FCHSD2: variants seen among roughly 807,000 people sequenced by gnomAD.
FCHSD2 encodes F-BAR and double SH3 domains protein 2.
FCHSD2 carries 38 observed loss-of-function variants against 108.1 expected under a neutral mutation model. The observed-to-expected ratio is 0.35, with a 90% CI of 0.27 to 0.46. FCHSD2 has a LOEUF of 0.46. Ranked by LOEUF, FCHSD2 falls within the 20% of genes least tolerant of loss-of-function variation. The probability of loss-of-function intolerance (pLI) is 1.00; values close to 1 mark genes in which losing one functional copy is unlikely to be tolerated. For missense variants in FCHSD2, 751 were observed against 897.8 expected, an observed-to-expected ratio of 0.84 and a Z score of 2.09; for synonymous variants, 279 against 314.7, an observed-to-expected ratio of 0.89 and a Z score of 1.20.
chr11:72,908,344 AG>A (rs1278708436), intron 9 of FCHSD2, among the ~76,000 whole-genome samples: 8 of 54 alleles, frequency 0.15, no homozygotes, highest in East Asian at 0.5. Flanking sequence ...AATCAACATG[AG>A]AGTGCAGATA....
At chr11:73,019,796 T>C (rs1317089596) in intron 3 of FCHSD2, among the ~76,000 whole-genome samples, 2 of 152,214 alleles carry the variant, frequency 1.3e-5, no homozygotes, top group Non-Finnish European at 2.9e-5. Context: ...ACTGGTTTCC[T>C]CTATACTTTA....
chr11:73,021,083 G>T (rs1007620639), intron 3 of FCHSD2, among the ~76,000 whole-genome samples: 1 of 151,942 alleles, frequency 6.6e-6, no homozygotes, highest in Non-Finnish European at 1.5e-5. Context: ...TCGCTATGTT[G>T]CCCAGGTTGA....
intron 8 of FCHSD2, among the ~76,000 whole-genome samples, chr11:72,955,973 C>T (rs1200530786): frequency 6.6e-6 from 1 of 152,166 alleles, no homozygotes; most frequent in Non-Finnish European, 1.5e-5. Context: ...TTTTAAATAT[C>T]ATCCTCCACT....
chr11:72,929,479 T>C (rs1458878558), intron 8 of FCHSD2, among the ~76,000 whole-genome samples: 2 of 152,298 alleles, frequency 1.3e-5, no homozygotes, highest in South Asian at 2.1e-4. Context: ...CTAGTGTGCA[T>C]AGAGTTAATG....
Position 73,049,276 on chromosome 11 carries a change from G to A in FCHSD2, c.166-33391C>T, listed in dbSNP as rs576623240. Reference sequence around the variant, plus strand: ...ATGAAGTACATAGTAAAACTTTAAGGAAAAAATTAAAACATGACAGAAACT... The same window carrying A: ...ATGAAGTACATAGTAAAACTTTAAGAAAAAAATTAAAACATGACAGAAACT... On this transcript the variant is annotated intron_variant, in intron 3 of 19. Transcript: ENST00000409418. Among the ~76,000 whole-genome samples the A allele has an allele frequency of 1.1e-4, 17 of 152,098 alleles. No individual in the cohort carries two copies. In the East Asian group the frequency reaches 3.1e-3, roughly 28 times the overall value.
intron 13 of FCHSD2, among the ~76,000 whole-genome samples, chr11:72,859,854 T>C (rs1484305765): frequency 6.6e-6 from 1 of 151,894 alleles, no homozygotes; most frequent in African/African-American, 2.4e-5. Flanking sequence ...CCTAAAAGAG[T>C]AAAAACTTCA....
chr11:73,013,744 T>C (rs1444033698), intron 4 of FCHSD2, among the ~76,000 whole-genome samples: 1 of 152,222 alleles, frequency 6.6e-6, no homozygotes, highest in Non-Finnish European at 1.5e-5. Flanking sequence ...TTTTTTAAAT[T>C]AGGGTTTATA....
At chr11:72,994,639 G>A (rs918142078) in intron 5 of FCHSD2, among the ~76,000 whole-genome samples, 3 of 151,892 alleles carry the variant, frequency 2.0e-5, no homozygotes, top group Admixed American at 6.6e-5. Context: ...GGTGGTGGGC[G>A]CCTGTAGTCC....
At chr11:73,091,108 T>C (rs1344995933) in intron 2 of FCHSD2, among the ~76,000 whole-genome samples, 2 of 152,246 alleles carry the variant, frequency 1.3e-5, no homozygotes, top group African/African-American at 2.4e-5. Flanking sequence ...TTTGTTTTTA[T>C]GGCTGAATAA....
chr11:72,972,291 T>C (rs1857021720), intron 8 of FCHSD2, among the ~76,000 whole-genome samples: 1 of 152,102 alleles, frequency 6.6e-6, no homozygotes, highest in Admixed American at 6.6e-5. Flanking sequence ...TTTTTATGAG[T>C]TTACCTCAAA....
At chr11:72,894,080 AAG>A (rs965772409) in intron 10 of FCHSD2, among the ~76,000 whole-genome samples, 20 of 152,332 alleles carry the variant, frequency 1.3e-4, no homozygotes, top group African/African-American at 4.8e-4. Flanking sequence ...AGGAGAGAAA[AAG>A]AGATGGTCAT....
At chr11:73,040,715 TTTC>T (rs1565380817) in intron 3 of FCHSD2, among the ~76,000 whole-genome samples, 1 of 152,272 alleles carries the variant, frequency 6.6e-6, no homozygotes, top group East Asian at 1.9e-4. Flanking sequence ...ACATTTATCA[TTTC>T]TTCATGTTGG....
At chr11:72,838,929 A>G in intron 19 of FCHSD2, 55 bp from the exon 20 acceptor site, 1 of 1,494,066 alleles carries the variant, frequency 6.7e-7, no homozygotes, top group South Asian at 1.2e-5. Flanking sequence ...CAGTATCTGA[A>G]GCATCCCCAA....
intron 3 of FCHSD2, among the ~76,000 whole-genome samples, chr11:73,061,339 C>T (rs1859158848): frequency 6.6e-6 from 1 of 152,218 alleles, no homozygotes; most frequent in African/African-American, 2.4e-5. Flanking sequence ...AGTGCCTACC[C>T]CACCAGAGCC....
intron 2 of FCHSD2, among the ~76,000 whole-genome samples, chr11:73,126,668 C>A (rs181855299): frequency 6.6e-6 from 1 of 152,174 alleles, no homozygotes; most frequent in East Asian, 1.9e-4. Context: ...ACCAATATTA[C>A]TGAATCATTA....
rs568144352 is a variant in FCHSD2 at position 72,887,505 on chromosome 11, T to A, written c.1111A>T (p.Ile371Leu). Residue 371 changes from isoleucine (I) to leucine (L), a missense_variant, in exon 12 of 20, where the codon ATA becomes TTA. By Grantham distance (5) the Ile-to-Leu change is conservative. Coordinates refer to ENST00000409418, the MANE Select transcript of FCHSD2 (RefSeq NM_014824.3). Reference protein sequence around the residue: ...EQSRAELEQKIDEARENIRKA... With the variant: ...EQSRAELEQKLDEARENIRKA... ...CGAATATTTTCTCTAGCTTCATCTA[T>A]TTTCTGTTCTAGCTCTGCTCGGCTT... is the stretch of plus-strand genomic sequence containing the variant. The A allele has an allele frequency of 7.0e-5, 113 of 1,606,880 alleles. No individual in the cohort carries two copies. Among genetic ancestry groups the A allele is most frequent in the Admixed American group, 1.5e-4 (9 of 58,650 alleles).
intron 18 of FCHSD2, 39 bp from the exon 19 acceptor site, chr11:72,840,998 T>C (rs1344204225): frequency 1.3e-6 from 2 of 1,486,686 alleles, no homozygotes; most frequent in Admixed American, 1.7e-5. Flanking sequence ...TTACTTGAGT[T>C]GTTGAGCAAT....
chr11:72,916,698 A>G (rs1855880547), intron 9 of FCHSD2, among the ~76,000 whole-genome samples: 1 of 152,224 alleles, frequency 6.6e-6, no homozygotes. Context: ...AACTTTTATC[A>G]GATATGTGAT....
At chr11:72,863,738 T>C (rs1245060589) in intron 13 of FCHSD2, among the ~76,000 whole-genome samples, 1 of 152,134 alleles carries the variant, frequency 6.6e-6, no homozygotes, top group Non-Finnish European at 1.5e-5. Flanking sequence ...TATGAAAAGA[T>C]GATCAACATT....
Sources: allele counts gnomAD v4.1 joint callset (sites outside exome capture counted in the v4.1 genomes callset), GRCh38; gene constraint gnomAD v4.1.1; transcripts MANE v1.5; gene names NCBI Gene and HGNC (gene_info 2026-07-23, HGNC 2026-07-21).